The following PPP2R2C variants were observed in gnomAD, a reference collection of about 807,000 sequenced individuals.
PPP2R2C encodes protein phosphatase 2 regulatory subunit Bgamma.
In PPP2R2C, 10 loss-of-function variants were observed where a neutral mutation model predicts 45.3. That is an observed-to-expected ratio of 0.22 (90% CI 0.14 to 0.37). PPP2R2C has a LOEUF of 0.37. PPP2R2C is among the 10% of genes least tolerant of loss of function. The pLI is 1.00. For synonymous variants in PPP2R2C, 257 were observed against 245.4 expected (o/e 1.05, Z -0.44); for missense variants, 308 against 619.7 (o/e 0.50, Z 5.34).
chr4:6,361,218 G>A (rs566698770), intron 5 of PPP2R2C, among the ~76,000 whole-genome samples: 20 of 152,282 alleles, frequency 1.3e-4, no homozygotes, highest in South Asian at 1.0e-3. Flanking sequence ...GGAACCGTAG[G>A]AAAGGTGCTG....
At chr4:6,558,654 G>A (rs1725488722) in intron 1 of PPP2R2C, among the ~76,000 whole-genome samples, 1 of 152,186 alleles carries the variant, frequency 6.6e-6, no homozygotes, top group Non-Finnish European at 1.5e-5. Context: ...AATGGAAGAG[G>A]CTCTGATGGA....
chr4:6,519,001 C>A (rs1318988435), intron 2 of PPP2R2C, among the ~76,000 whole-genome samples: 1 of 148,092 alleles, frequency 6.8e-6, no homozygotes, highest in East Asian at 2.0e-4. Context: ...AATTTAATAA[C>A]CTTCCCAAAC....
intron 2 of PPP2R2C, among the ~76,000 whole-genome samples, chr4:6,512,604 G>T (rs1422212125): frequency 7.3e-6 from 1 of 137,514 alleles, no homozygotes; most frequent in African/African-American, 2.7e-5. Context: ...TGGTGGTGGT[G>T]GTGATTATGG....
At chr4:6,359,555 G>C (rs988446105) in intron 5 of PPP2R2C, among the ~76,000 whole-genome samples, 3 of 150,246 alleles carry the variant, frequency 2.0e-5, no homozygotes, top group African/African-American at 7.4e-5. Context: ...GGTATATTTA[G>C]TTAAATACAT....
intron 5 of PPP2R2C, chr4:6,349,442 T>C (rs1258428722): frequency 1.0e-6 from 1 of 982,544 alleles, no homozygotes. Flanking sequence ...CACTGCCTGA[T>C]GCGTTGCAGA....
chr4:6,360,983 A>C (rs574778505), intron 5 of PPP2R2C, among the ~76,000 whole-genome samples: 1 of 152,312 alleles, frequency 6.6e-6, no homozygotes, highest in Non-Finnish European at 1.5e-5. Flanking sequence ...AACACCAGTC[A>C]GATTGGATTA....
chr4:6,549,860 G>A (rs749839626), intron 1 of PPP2R2C, among the ~76,000 whole-genome samples: 78 of 152,316 alleles, frequency 5.1e-4, no homozygotes, highest in South Asian at 6.2e-4. Context: ...CAGCTGTAAC[G>A]AACGTTATTT....
chr4:6,349,490 A>G, intron 5 of PPP2R2C: 1 of 985,288 alleles, frequency 1.0e-6, no homozygotes, highest in Non-Finnish European at 1.2e-6. Context: ...ATTATTTTCT[A>G]TCTGGAAAAT....
chr4:6,457,207 C>CAAAGAAA (rs1491382883), intron 1 of PPP2R2C, among the ~76,000 whole-genome samples: 1 of 88,804 alleles, frequency 1.1e-5, no homozygotes, highest in Non-Finnish European at 2.1e-5. Flanking sequence ...GACTCCATCT[C>CAAAGAAA]AAAAAAAAAA....
intron 2 of PPP2R2C, among the ~76,000 whole-genome samples, chr4:6,379,480 C>A (rs1440392273): frequency 6.6e-6 from 1 of 152,226 alleles, no homozygotes; most frequent in Non-Finnish European, 1.5e-5. Flanking sequence ...ATATTTTTGC[C>A]TCTAATTCAC....
At chr4:6,435,636 G>A (rs1039241670) in intron 1 of PPP2R2C, among the ~76,000 whole-genome samples, 10 of 152,088 alleles carry the variant, frequency 6.6e-5, no homozygotes, top group South Asian at 2.1e-4. Flanking sequence ...TACAAGATTC[G>A]TGCACCAGAG....
At chr4:6,485,358 T>C (rs1042567299) in intron 2 of PPP2R2C, among the ~76,000 whole-genome samples, 1 of 151,880 alleles carries the variant, frequency 6.6e-6, no homozygotes, top group African/African-American at 2.4e-5. Flanking sequence ...ATAATGTCTG[T>C]CTGGTTTTGA....
intron 2 of PPP2R2C, among the ~76,000 whole-genome samples, chr4:6,507,788 A>G (rs930936628): frequency 6.6e-6 from 1 of 152,222 alleles, no homozygotes; most frequent in Non-Finnish European, 1.5e-5. Flanking sequence ...CCCACTCCTC[A>G]TGTCTTCACT....
At chr4:6,377,620 C>T (rs187605684) in intron 3 of PPP2R2C, among the ~76,000 whole-genome samples, 48 of 152,244 alleles carry the variant, frequency 3.2e-4, no homozygotes, top group African/African-American at 9.6e-4. Flanking sequence ...GATCGCGCCA[C>T]TCTACCCCAG....
At chr4:6,523,984 G>A (rs990615913) in intron 2 of PPP2R2C, among the ~76,000 whole-genome samples, 1 of 152,180 alleles carries the variant, frequency 6.6e-6, no homozygotes, top group African/African-American at 2.4e-5. Context: ...CGTGATCTCG[G>A]TTCACTGCAA....
chr4:6,503,455 C>T (rs1723123812), intron 2 of PPP2R2C, among the ~76,000 whole-genome samples: 1 of 152,328 alleles, frequency 6.6e-6, no homozygotes, highest in South Asian at 2.1e-4. Context: ...CTCCCTGACA[C>T]TCAGCATCTG....
rs762086940 is a variant in PPP2R2C at position 6,381,137 on chromosome 4, C to G, written c.71-43G>C. On this transcript the variant is annotated intron_variant, in intron 1 of 8. Transcript: ENST00000382599. ...AGACGGGAAGGGGTGGCTGTCAGAA[C>G]CCGCCTCTCCCGGGTGCTCAACAGT... 1.5e-5 allele frequency: 24 copies of G among 1,553,188 alleles called. No individual in the cohort carries two copies. In the Admixed American group the frequency reaches 2.9e-4, roughly 19 times the overall value.
At chr4:6,470,664 G>A (rs1210775839) in intron 1 of PPP2R2C, among the ~76,000 whole-genome samples, 1 of 152,188 alleles carries the variant, frequency 6.6e-6, no homozygotes, top group Non-Finnish European at 1.5e-5. Context: ...TGTCGCTGCA[G>A]GCTGCGAGCA....
At chr4:6,466,398 C>A (rs750561658) in intron 1 of PPP2R2C, among the ~76,000 whole-genome samples, 3 of 152,216 alleles carry the variant, frequency 2.0e-5, no homozygotes, top group Middle Eastern at 3.2e-3. Flanking sequence ...TAGATGACCA[C>A]ACAGGTTGCA....
Sources: gnomAD v4.1 joint callset for allele counts (sites outside exome capture counted in the v4.1 genomes callset) on GRCh38, gnomAD v4.1.1 for gene constraint, MANE v1.5 for transcripts, NCBI Gene and HGNC (gene_info 2026-07-23, HGNC 2026-07-21) for gene names.